Variants in FLCN observed in about 807,000 individuals in gnomAD.
FLCN encodes BHD skin lesion fibrofolliculoma protein.
Under a neutral mutation model 62.5 loss-of-function variants are expected in FLCN, and 22 were observed. That is an observed-to-expected ratio of 0.35 (90% CI 0.25 to 0.50). FLCN has a LOEUF of 0.50. FLCN is among the 20% of genes least tolerant of loss of function. The probability of loss-of-function intolerance (pLI) is 0.97; values close to 1 mark genes in which losing one functional copy is unlikely to be tolerated. For missense variants in FLCN, 657 were observed against 778.0 expected (o/e 0.84, Z 1.85); for synonymous variants, 319 against 310.0 (o/e 1.03, Z -0.30).
At position 17,221,562 on chromosome 17, in the gene FLCN, G is replaced by A. The variant is rs750848964; in HGVS notation, c.846C>T (p.Thr282=). ...KLLEGAPTED[T]LVQMEKLADL... is the part of the protein sequence containing the mutation. ...CAGCGAGCTTCTCCATCTGGACCAA[G>A]GTATCCTCGGTCGGAGCACCTTCCA... Residue 282 remains threonine, a synonymous_variant, in exon 8 of 14, where the codon ACC becomes ACT. Coordinates refer to ENST00000285071, the MANE Select transcript of FLCN (RefSeq NM_144997.7). 6.2e-7 allele frequency: 1 copy of A among 1,612,628 alleles called. No homozygotes were observed. The highest frequency in any genetic ancestry group is 2.2e-5 in the East Asian group (1 of 44,892).
Position 17,213,547 on chromosome 17 carries a change from G to T in FLCN, c.*108C>A, listed in dbSNP as rs1190387837. 1 of 1,469,556 alleles carries T rather than the reference G, an allele frequency of 6.8e-7. No homozygotes were observed. The allele number at this position is 1,469,556 out of a possible 1,614,324, so 91.0% of individuals were successfully genotyped here. A position where few individuals can be genotyped will look rare whatever the true frequency, so the allele number is the denominator to read the frequency against. The stretch of plus-strand genomic sequence containing the variant: ...CCTGATGGTTTCCCTTCCTTGCTGG[G>T]ACACAGCTCCTTCCAGCAGTTGAGA... On this transcript the variant is annotated 3_prime_UTR_variant, in exon 14 of 14. Transcript: ENST00000285071.
At chr17:17,223,695 C>T (rs921204684) in intron 6 of FLCN, among the ~76,000 whole-genome samples, 1 of 152,188 alleles carries the variant, frequency 6.6e-6, no homozygotes, top group Non-Finnish European at 1.5e-5. Flanking sequence ...CAGAGCTGAG[C>T]GAGAACCAGG....
chr17:17,221,204 G>A (rs1349375385), intron 8 of FLCN: 1 of 1,514,332 alleles, frequency 6.6e-7, no homozygotes, highest in East Asian at 2.5e-5. Flanking sequence ...AAGGAGCAAA[G>A]ACCGTCGACC....
intron 8 of FLCN, 140 bp downstream of exon 8, chr17:17,221,397 G>A (rs1281479855): frequency 1.2e-6 from 2 of 1,613,588 alleles, no homozygotes; most frequent in Admixed American, 1.7e-5. Flanking sequence ...AGATCGGAGG[G>A]TGAGCTTCCC....
chr17:17,232,104 T>C (rs2047439909), intron 2 of FLCN, among the ~76,000 whole-genome samples: 1 of 152,134 alleles, frequency 6.6e-6, no homozygotes, highest in African/African-American at 2.4e-5. Flanking sequence ...TGGAAGGCCC[T>C]GAGAACTCAG....
rs771038343 is a variant in FLCN at position 17,213,718 on chromosome 17, C to T, written c.1677G>A (p.Lys559=). The T allele has an allele frequency of 6.2e-7, 1 of 1,614,228 alleles. No homozygotes were observed. The highest frequency in any genetic ancestry group is 2.2e-5 in the East Asian group (1 of 44,888). Residue 559 remains lysine (K), a synonymous_variant, in exon 14 of 14, where the codon AAG becomes AAA. Transcript: ENST00000285071. Reference sequence around the variant, plus strand: ...TGGACATGAGGTGTGACTTGTAGGTCTTGCTCAGGCCAGTCATCCAGAACT... The same window carrying T: ...TGGACATGAGGTGTGACTTGTAGGTTTTGCTCAGGCCAGTCATCCAGAACT... ...LLKFWMTGLS[K]TYKSHLMSTV...
intron 11 of FLCN, 93 bp from the exon 12 acceptor site, chr17:17,215,409 A>G: frequency 1.3e-6 from 2 of 1,591,276 alleles, no homozygotes; most frequent in African/African-American, 1.3e-5. Flanking sequence ...CGCTCATCCC[A>G]GGTCAGTGGG....
intron 1 of FLCN, among the ~76,000 whole-genome samples, chr17:17,235,067 A>G (rs8066090): frequency 0.73 from 107,390 of 147,616 alleles, 39,446 homozygotes; most frequent in East Asian, 0.84. Context: ...AGCTGATCGC[A>G]CCACTGCACT....
chr17:17,220,889 T>C, intron 8 of FLCN: 1 of 258,284 alleles, frequency 3.9e-6, no homozygotes, highest in Non-Finnish European at 7.6e-6. Flanking sequence ...TCGAAACAGC[T>C]CTGGCTGTTT....
intron 8 of FLCN, 104 bp downstream of exon 8, chr17:17,221,433 A>G (rs1202156743): frequency 6.2e-7 from 1 of 1,613,794 alleles, no homozygotes; most frequent in Non-Finnish European, 8.5e-7. Flanking sequence ...GCTGATTCAG[A>G]GCCGCGTTTC....
At chr17:17,236,437 C>T (rs1049223717) in intron 1 of FLCN, among the ~76,000 whole-genome samples, 4 of 152,220 alleles carry the variant, frequency 2.6e-5, no homozygotes, top group African/African-American at 7.2e-5. Context: ...CTCCTCCTTG[C>T]CCTGTGTCCC....
intron 1 of FLCN, among the ~76,000 whole-genome samples, chr17:17,233,577 C>G (rs10459910): frequency 8.1e-6 from 1 of 124,044 alleles, no homozygotes; most frequent in Non-Finnish European, 1.6e-5. Flanking sequence ...CCAGCCTGGG[C>G]GACACAGCAA....
rs763241810 is a variant in FLCN at position 17,215,172 on chromosome 17, T to G, written c.1432+13A>C. 5.6e-6 allele frequency: 9 copies of G among 1,614,082 alleles called. No individual in the cohort carries two copies. Among genetic ancestry groups the G allele is most frequent in the Non-Finnish European group, 6.8e-6 (8 of 1,180,006 alleles). Reference sequence around the variant, plus strand: ...CTTCTCACAAAAAGGACACTCTGCCTGGGGGCACCCACCTCGGTCTGCAGC... The same window carrying G: ...CTTCTCACAAAAAGGACACTCTGCCGGGGGGCACCCACCTCGGTCTGCAGC... On this transcript the variant is annotated intron_variant, in intron 12 of 13. Coordinates refer to ENST00000285071, the MANE Select transcript of FLCN (RefSeq NM_144997.7).
rs1162201886 is a variant in FLCN at position 17,216,539 on chromosome 17, A to G, written c.1177-36T>C. ...CAGCAGGACTCAGACCAAGGACACG[A>G]GGAAGCCCTCAGCCCCGGCCATCCA... is the stretch of plus-strand genomic sequence containing the variant. On this transcript the variant is annotated intron_variant, in intron 10 of 13. Coordinates refer to ENST00000285071, the MANE Select transcript of FLCN (RefSeq NM_144997.7). This position sits in a 1 kb window ranked among gnomAD's most constrained non-coding sequence, Gnocchi z 4.0. The G allele has an allele frequency of 6.2e-7, 1 of 1,612,600 alleles. No individual in the cohort carries two copies. The highest frequency in any genetic ancestry group is 1.3e-5 in the African/African-American group (1 of 74,886).
intron 8 of FLCN, chr17:17,221,151 A>T (rs2047072423): frequency 1.4e-5 from 20 of 1,425,046 alleles, no homozygotes; most frequent in Non-Finnish European, 1.7e-5. Context: ...ACTGCCCTTC[A>T]TGGAAAACTT....
rs1719880665 is a variant in FLCN at position 17,221,622 on chromosome 17, C to T, written c.786G>A (p.Leu262=). 1 of 1,607,830 alleles carries T rather than the reference C, an allele frequency of 6.2e-7. No individual in the cohort carries two copies. ...ACLHTSFAWL[L]KACGSRLTEK... is the part of the protein sequence containing the mutation. ...CGGTCAGCCGGCTGCCACACGCCTTCAGGAGCCTGGAGAACACAGCACCAG... is the reference window on the plus strand; with the variant it reads ...CGGTCAGCCGGCTGCCACACGCCTTTAGGAGCCTGGAGAACACAGCACCAG... Residue 262 remains leucine, a synonymous_variant, in exon 8 of 14, where the codon CTG becomes CTA. Coordinates refer to ENST00000285071, the MANE Select transcript of FLCN (RefSeq NM_144997.7).
At chr17:17,227,387 G>A (rs578058428) in intron 4 of FLCN, among the ~76,000 whole-genome samples, 33 of 152,214 alleles carry the variant, frequency 2.2e-4, no homozygotes, top group Non-Finnish European at 1.0e-4. Context: ...ATACAAACAT[G>A]AAGGCCACGG....
At chr17:17,232,557 T>C (rs567046787) in intron 2 of FLCN, among the ~76,000 whole-genome samples, 8 of 152,218 alleles carry the variant, frequency 5.3e-5, no homozygotes, top group South Asian at 4.2e-4. Flanking sequence ...GGGTTCACTA[T>C]GATGAGTGGC....
rs2046808019 is a variant in FLCN, at chr17:17,213,405, A to G, written c.*250T>C. The stretch of plus-strand genomic sequence containing the variant: ...CCTAGTCGTCTCTCCAAGGAGTTTG[A>G]ACACAGAGAGAGCCCATCATCCCTC... On this transcript the variant is annotated 3_prime_UTR_variant, in exon 14 of 14. Coordinates refer to ENST00000285071, the MANE Select transcript of FLCN (RefSeq NM_144997.7). The G allele has an allele frequency of 1.2e-5, 7 of 593,844 alleles. No homozygotes were observed. The highest frequency in any genetic ancestry group is 2.1e-5 in the Non-Finnish European group (7 of 332,060). The allele number at this position is 593,844 out of a possible 1,614,324, so 36.8% of individuals were successfully genotyped here. A position where few individuals can be genotyped will look rare whatever the true frequency, so the allele number is the denominator to read the frequency against.
Sources: allele counts gnomAD v4.1 joint callset (sites outside exome capture counted in the v4.1 genomes callset), GRCh38; gene constraint gnomAD v4.1.1; non-coding constraint Gnocchi (gnomAD v3.1); transcripts MANE v1.5; gene names NCBI Gene and HGNC (gene_info 2026-07-23, HGNC 2026-07-21).